The following CDH20 variants were observed in gnomAD, a reference collection of about 807,000 sequenced individuals.
CDH20 encodes the protein cadherin 20, also known as cadherin-20.
In CDH20, 29 loss-of-function variants were observed where a neutral mutation model predicts 74.2. The observed-to-expected ratio is 0.39, with a 90% CI of 0.29 to 0.53. The LOEUF is 0.53. Among genes scored for constraint, CDH20 ranks in the 20% least tolerant of loss-of-function variants. The pLI is 0.69. For missense variants in CDH20, 988 were observed against 1,048.3 expected (o/e 0.94, Z 0.79); for synonymous variants, 469 against 405.4 (o/e 1.16, Z -1.88).
chr18:61,390,682 T>G (rs1182849107), intron 1 of CDH20, among the ~76,000 whole-genome samples: 3 of 152,104 alleles, frequency 2.0e-5, no homozygotes, highest in Non-Finnish European at 1.5e-5. Flanking sequence ...CAAATGTATT[T>G]GGGGATTTGG....
At chr18:61,498,605 G>A (rs1366527753) in intron 2 of CDH20, among the ~76,000 whole-genome samples, 1 of 152,110 alleles carries the variant, frequency 6.6e-6, no homozygotes, top group Non-Finnish European at 1.5e-5. Context: ...TGAAACACAA[G>A]CCCAGTCCTA....
chr18:61,547,186 G>A (rs1339967018), intron 10 of CDH20, among the ~76,000 whole-genome samples: 1 of 152,106 alleles, frequency 6.6e-6, no homozygotes, highest in African/African-American at 2.4e-5. Context: ...TAAGTAGCCA[G>A]ACATGGTGGC....
intron 1 of CDH20, among the ~76,000 whole-genome samples, chr18:61,377,907 T>A (rs1911296290): frequency 6.6e-6 from 1 of 152,120 alleles, no homozygotes; most frequent in South Asian, 2.1e-4. Flanking sequence ...AACTAATGAC[T>A]TATTTACTTC....
chr18:61,536,006 A>G (rs1277869132), intron 7 of CDH20, among the ~76,000 whole-genome samples: 4 of 152,162 alleles, frequency 2.6e-5, no homozygotes, highest in African/African-American at 9.7e-5. Flanking sequence ...GCATGTTAAG[A>G]AAGGGCCTGG....
At chr18:61,553,187 C>T (rs758221886) in intron 11 of CDH20, among the ~76,000 whole-genome samples, 2 of 152,004 alleles carry the variant, frequency 1.3e-5, no homozygotes, top group Non-Finnish European at 2.9e-5. Context: ...CCACTTTCTC[C>T]CCTTGGATAA....
intron 8 of CDH20, among the ~76,000 whole-genome samples, chr18:61,538,608 G>GTTTTTTTTTTTTTTTTTTTTTTTT (rs1449356386): frequency 5.5e-5 from 2 of 36,316 alleles, no homozygotes; most frequent in Non-Finnish European, 6.0e-5. Context: ...TTTTGTTTTT[G>GTTTTTTTTTTTTTTTTTTTTTTTT]TTTTTGTTTT....
In CDH20 at chr18:61,538,583, TGTTTGTTTGTTTG is replaced by T. The variant is rs1568182040; in HGVS notation, c.1409-440_1409-428del. ...ACTCACCAAGTAAATAACTACTTTT[TGTTTGTTTGTTTG>T]TTTTTGTTTTTGTTTTTGTTTTTGT... On this transcript the variant is annotated intron_variant, in intron 8 of 11. Coordinates refer to ENST00000262717, the MANE Select transcript of CDH20 (RefSeq NM_031891.4). Among the ~76,000 whole-genome samples the T allele has an allele frequency of 6.6e-5, 4 of 60,812 alleles. 1 individual carries two copies. Among genetic ancestry groups the T allele is most frequent in the East Asian group, 3.8e-4 (1 of 2,618 alleles). The allele number at this position is 60,812 out of a possible 152,430, so 39.9% of individuals were successfully genotyped here. A position where few individuals can be genotyped will look rare whatever the true frequency, so the allele number is the denominator to read the frequency against.
chr18:61,435,218 G>A (rs186165887), intron 1 of CDH20, among the ~76,000 whole-genome samples: 9 of 152,152 alleles, frequency 5.9e-5, no homozygotes, highest in South Asian at 2.1e-4. Context: ...TACTATCTCC[G>A]TGATCTTGAG....
At chr18:61,480,250 C>T (rs1172043328) in intron 1 of CDH20, among the ~76,000 whole-genome samples, 2 of 152,156 alleles carry the variant, frequency 1.3e-5, no homozygotes, top group African/African-American at 4.8e-5. Flanking sequence ...ATCCCTTTAA[C>T]TTAACAATAT....
chr18:61,469,774 C>A (rs1021201436), intron 1 of CDH20, among the ~76,000 whole-genome samples: 1 of 152,128 alleles, frequency 6.6e-6, no homozygotes, highest in African/African-American at 2.4e-5. Context: ...TTCCAGTTAC[C>A]TATATACACA....
intron 2 of CDH20, among the ~76,000 whole-genome samples, chr18:61,491,060 A>C (rs1211441272): frequency 6.6e-6 from 1 of 152,190 alleles, no homozygotes; most frequent in Non-Finnish European, 1.5e-5. Flanking sequence ...CAGACCCTGC[A>C]AGAGCTATTC....
chr18:61,538,109 T>G (rs1413799965), intron 8 of CDH20, among the ~76,000 whole-genome samples: 1 of 152,200 alleles, frequency 6.6e-6, no homozygotes, highest in Non-Finnish European at 1.5e-5. Context: ...ATTTGGTGTG[T>G]GTTTGATCCT....
intron 1 of CDH20, among the ~76,000 whole-genome samples, chr18:61,348,217 G>A (rs1910195093): frequency 6.6e-6 from 1 of 152,142 alleles, no homozygotes; most frequent in African/African-American, 2.4e-5. Context: ...TTCTGCCACA[G>A]GCTTGCTCCT....
At chr18:61,534,395 A>G (rs77170644) in intron 7 of CDH20, among the ~76,000 whole-genome samples, 5,692 of 152,364 alleles carry the variant, frequency 0.037, 138 homozygotes, top group Middle Eastern at 0.058. Flanking sequence ...ATCCAAAGGA[A>G]CTGGAATTAA....
chr18:61,553,230 G>A (rs1264245104), intron 11 of CDH20, among the ~76,000 whole-genome samples: 1 of 150,804 alleles, frequency 6.6e-6, no homozygotes, highest in Non-Finnish European at 1.5e-5. Flanking sequence ...CTGTCAAACT[G>A]TCACTGTTCA....
chr18:61,373,844 C>T (rs952189445), intron 1 of CDH20, among the ~76,000 whole-genome samples: 1 of 152,106 alleles, frequency 6.6e-6, no homozygotes, highest in Non-Finnish European at 1.5e-5. Context: ...GGAAGATCAA[C>T]TTTCTCCCCA....
intron 10 of CDH20, among the ~76,000 whole-genome samples, chr18:61,549,450 G>A (rs1172917084): frequency 6.6e-6 from 1 of 152,238 alleles, no homozygotes; most frequent in Non-Finnish European, 1.5e-5. Flanking sequence ...AAACACAGGA[G>A]TTGGTGACTG....
intron 1 of CDH20, among the ~76,000 whole-genome samples, chr18:61,340,413 G>A (rs537378707): frequency 1.3e-5 from 2 of 152,102 alleles, no homozygotes; most frequent in African/African-American, 2.4e-5. Flanking sequence ...TAGGATTAGA[G>A]TTAAGGTTGT....
In CDH20 at chr18:61,554,365, G is replaced by T; in HGVS notation, c.2076G>T (p.Gly692=). The T allele has an allele frequency of 6.2e-7, 1 of 1,612,990 alleles. No homozygotes were observed. Among genetic ancestry groups the T allele is most frequent in the South Asian group, 1.1e-5 (1 of 91,034 alleles). Residue 692 remains glycine, a synonymous_variant, in exon 12 of 12, where the codon GGG becomes GGT. Transcript: ENST00000262717. ...GGAACCCCCGGGAGGCGCAGGCGGGGGCCGCCCCCAAGACGCGGCAGGACA... is the reference window on the plus strand; with the variant it reads ...GGAACCCCCGGGAGGCGCAGGCGGGTGCCGCCCCCAAGACGCGGCAGGACA... ...AMWNPREAQA[G]AAPKTRQDML...
Sources: allele counts gnomAD v4.1 joint callset (sites outside exome capture counted in the v4.1 genomes callset), GRCh38; gene constraint gnomAD v4.1.1; transcripts MANE v1.5; gene names NCBI Gene and HGNC (gene_info 2026-07-23, HGNC 2026-07-21).